MOK: variants seen among roughly 807,000 people sequenced by gnomAD.
MOK encodes the protein MOK protein kinase.
MOK carries 59 observed loss-of-function variants against 54.2 expected under a neutral mutation model. That is an observed-to-expected ratio of 1.09 (90% CI 0.88 to 1.35). MOK has a LOEUF of 1.35. Among genes scored for constraint, MOK ranks in the 40% most tolerant of loss-of-function variants. MOK has a pLI of 0.00. For missense variants in MOK, 517 were observed against 526.2 expected, an observed-to-expected ratio of 0.98 and a Z score of 0.17; for synonymous variants, 210 against 202.7, an observed-to-expected ratio of 1.04 and a Z score of -0.31.
chr14:102,220,593 G>C (rs999966785), downstream of MOK, among the ~76,000 whole-genome samples: 2 of 151,888 alleles, frequency 1.3e-5, 1 homozygote, highest in South Asian at 4.2e-4. The surrounding 1 kb of genome is among the most constrained non-coding windows in gnomAD (Gnocchi z 4.2). Context: ...GGTGGCAGGC[G>C]CCTGTAGTCC....
In MOK at chr14:102,281,517, GA is replaced by G. The variant is rs951281234; in HGVS notation, c.122+1960del. ...CTGACTCAAAAAAAAAAAAAAAAAA[GA>G]AAAAAAAAAGCATCACACCCTACTG... is the stretch of plus-strand genomic sequence containing the variant. On this transcript the variant is annotated intron_variant, in intron 2 of 11. Transcript: ENST00000361847. Among the ~76,000 whole-genome samples, 605 of 130,498 alleles carry G rather than the reference GA, an allele frequency of 4.6e-3. 6 individuals are homozygous for G. Among genetic ancestry groups the G allele is most frequent in the African/African-American group, 0.015 (537 of 35,026 alleles). The allele number at this position is 130,498 out of a possible 152,430, so 85.6% of individuals were successfully genotyped here.
At chr14:102,228,398 A>G (rs554219546), downstream of MOK, among the ~76,000 whole-genome samples, 3 of 152,310 alleles carry the variant, frequency 2.0e-5, no homozygotes, top group East Asian at 5.8e-4. Context: ...TCTTCAAATG[A>G]AAATTAAGCC....
At chr14:102,287,820 ATT>A (rs71116893) in intron 1 of MOK, among the ~76,000 whole-genome samples, 3,337 of 117,794 alleles carry the variant, frequency 0.028, 32 homozygotes, top group African/African-American at 0.049. Context: ...GTTCTTTGAG[ATT>A]TTTTTTTTTT....
Position 102,240,122 on chromosome 14 carries a change from C to G in MOK, c.591-6333G>C, listed in dbSNP as rs1023930881. ...CTTCCACACTGAGCACCTTGTGATCCCCTAGCCCCTGCCCGCCAGAGAACA... is the reference window on the plus strand; with the variant it reads ...CTTCCACACTGAGCACCTTGTGATCGCCTAGCCCCTGCCCGCCAGAGAACA... On this transcript the variant is annotated intron_variant, in intron 7 of 11. Transcript: ENST00000361847. The surrounding 1 kb of genome is among the most constrained non-coding windows in gnomAD (Gnocchi z 5.4). Among the ~76,000 whole-genome samples the G allele has an allele frequency of 4.0e-5, 6 of 151,296 alleles. No individual in the cohort carries two copies. Among genetic ancestry groups the G allele is most frequent in the Admixed American group, 2.6e-4 (4 of 15,234 alleles).
chr14:102,276,791 CA>C (rs34807608), intron 2 of MOK, among the ~76,000 whole-genome samples: 40,446 of 100,784 alleles, frequency 0.4, 7,086 homozygotes, highest in African/African-American at 0.61. Context: ...AACTCCGTCT[CA>C]AAAAAAAAAA....
intron 2 of MOK, among the ~76,000 whole-genome samples, chr14:102,267,423 G>A (rs570968711): frequency 1.4e-4 from 21 of 152,162 alleles, no homozygotes; most frequent in Non-Finnish European, 2.2e-4. Context: ...AAAATCAGCC[G>A]GGCGCAGTGG....
At chr14:102,220,268 G>GTCAGAAGCC (rs1364080560), downstream of MOK, among the ~76,000 whole-genome samples, 3 of 152,306 alleles carry the variant, frequency 2.0e-5, no homozygotes, top group Admixed American at 6.5e-5. The surrounding 1 kb of genome is among the most constrained non-coding windows in gnomAD (Gnocchi z 4.2). Context: ...CCTCATGGCC[G>GTCAGAAGCC]TCAGAAGCCA....
At chr14:102,216,923 A>G in the MOK span, among the ~76,000 whole-genome samples, 15,249 of 151,966 alleles carry the variant, frequency 0.1, 1,518 homozygotes, top group African/African-American at 0.26. Context: ...ACAGAGCGAG[A>G]CTCTGTCTTA....
intron 4 of MOK, among the ~76,000 whole-genome samples, chr14:102,260,866 A>G (rs1412631515): frequency 1.3e-5 from 2 of 152,098 alleles, no homozygotes; most frequent in Non-Finnish European, 2.9e-5. Context: ...TCACTCCTAT[A>G]ATCCCAGCAC....
intron 1 of MOK, among the ~76,000 whole-genome samples, chr14:102,299,110 C>T (rs2071833660): frequency 6.6e-6 from 1 of 152,132 alleles, no homozygotes; most frequent in South Asian, 2.1e-4. Context: ...AAGAACCCAC[C>T]AACTGCGGAC....
rs146628456 is a variant in MOK, at chr14:102,247,024, G to A, written c.590+3788C>T. 5.0e-3 allele frequency among the ~76,000 whole-genome samples: 755 copies of A among 151,890 alleles called. 10 individuals carry two copies. The highest frequency in any genetic ancestry group is 0.017 in the African/African-American group (712 of 41,348). On this transcript the variant is annotated intron_variant, in intron 7 of 11. Transcript: ENST00000361847. ...TAACAAAAACTCAGAGTACTGCAAC[G>A]GCCGACACCCCCATTTATCCCTCTT...
chr14:102,276,972 C>G (rs1455083141), intron 2 of MOK, among the ~76,000 whole-genome samples: 1 of 149,522 alleles, frequency 6.7e-6, no homozygotes, highest in Non-Finnish European at 1.5e-5. Context: ...CACAGCCTCT[C>G]AAGTAGCTAG....
intron 7 of MOK, among the ~76,000 whole-genome samples, chr14:102,243,959 T>C (rs1385394940): frequency 1.3e-5 from 2 of 152,210 alleles, no homozygotes; most frequent in Non-Finnish European, 2.9e-5. Context: ...ACTCAAGCCC[T>C]CACTCTTGCA....
chr14:102,224,153 C>T (rs561359506), downstream of MOK, among the ~76,000 whole-genome samples: 3,491 of 151,350 alleles, frequency 0.023, 53 homozygotes, highest in Non-Finnish European at 0.039. Flanking sequence ...GCCATTCTCC[C>T]GCCTCAGCCT....
the MOK span, among the ~76,000 whole-genome samples, chr14:102,216,842 A>T: frequency 6.6e-6 from 1 of 152,204 alleles, no homozygotes; most frequent in East Asian, 1.9e-4. Context: ...AGGCACCATG[A>T]AAATCACTTG....
intron 1 of MOK, among the ~76,000 whole-genome samples, chr14:102,297,490 A>G (rs1054395721): frequency 2.0e-5 from 3 of 152,254 alleles, no homozygotes; most frequent in African/African-American, 7.2e-5. Flanking sequence ...GAGAGGTGAT[A>G]GCGTGCTGGC....
chr14:102,234,018 GA>G, intron 7 of MOK: 1 of 464,346 alleles, frequency 2.2e-6, no homozygotes. Context: ...CCATACCGAA[GA>G]ACTCCCTCAA....
rs1040581784 is a variant in MOK, at chr14:102,232,046, A to G, written c.867-225T>C. 6.7e-6 allele frequency: 3 copies of G among 450,678 alleles called. No individual in the cohort carries two copies. The highest frequency in any genetic ancestry group is 4.0e-5 in the African/African-American group (2 of 50,290). 27.9% of individuals were successfully genotyped at this position (450,678 alleles called of 1,614,324 possible). ...CATGAATCAGAAGCGCTGCCTACCC[A>G]GGGACTCGCAGTTTCAGATCAAACT... On this transcript the variant is annotated intron_variant, in intron 9 of 11. Transcript: ENST00000361847. This position sits in a 1 kb window ranked among gnomAD's most constrained non-coding sequence, Gnocchi z 5.1.
Position 102,261,421 on chromosome 14 carries a change from ATATATATATATATATATATATATATAT to A in MOK, c.283+2098_283+2124del. On this transcript the variant is annotated intron_variant, in intron 4 of 11. Coordinates refer to ENST00000361847, the MANE Select transcript of MOK (RefSeq NM_014226.3). ...AAAAAAAAAAAAAAAAAAAAAAAAT[ATATATATATATATATATATATATATAT>A]ATATATATATTCTAAACAAAGCTTT... 7.8e-5 allele frequency among the ~76,000 whole-genome samples: 2 copies of A among 25,558 alleles called. 1 individual carries two copies. The highest frequency in any genetic ancestry group is 1.3e-3 in the Admixed American group (2 of 1,582). 16.8% of individuals were successfully genotyped at this position (25,558 alleles called of 152,430 possible).
Sources: allele counts gnomAD v4.1 joint callset (sites outside exome capture counted in the v4.1 genomes callset), GRCh38; gene constraint gnomAD v4.1.1; non-coding constraint Gnocchi (gnomAD v3.1); transcripts MANE v1.5; gene names NCBI Gene and HGNC (gene_info 2026-07-23, HGNC 2026-07-21).